Variants in FHIT observed in about 807,000 individuals in gnomAD.
The protein encoded by FHIT is bis(5'-adenosyl)-triphosphatase.
FHIT carries 19 observed loss-of-function variants against 17.9 expected under a neutral mutation model. That is an observed-to-expected ratio of 1.06 (90% CI 0.74 to 1.56). The LOEUF (loss-of-function observed/expected upper bound fraction) is 1.56, where lower values mean the gene tolerates loss of function less well. Ranked by LOEUF, FHIT falls within the 40% of genes most tolerant of loss-of-function variation. The pLI is 0.00. For missense variants in FHIT, 248 were observed against 189.2 expected (o/e 1.31, Z -1.82); for synonymous variants, 81 against 69.7 (o/e 1.16, Z -0.81).
rs563671472 is a variant in FHIT at position 60,433,844 on chromosome 3, A to AT, written c.103+103015dup. On this transcript the variant is annotated intron_variant, in intron 5 of 9. Transcript: ENST00000492590. ...ATTAGATGCATCAGATGTATGGTTC[A>AT]TTTTTTCTCCTATTCCATAGGTGGC... Among the ~76,000 whole-genome samples the AT allele has an allele frequency of 1.1e-4, 17 of 152,020 alleles. No homozygotes were observed. In the South Asian group the frequency reaches 3.1e-3, roughly 28 times the overall value.
At position 60,048,590 on chromosome 3, in the gene FHIT, G is replaced by C. The variant is rs1053696767; in HGVS notation, c.104-34438C>G. Among the ~76,000 whole-genome samples the C allele has an allele frequency of 4.6e-5, 7 of 152,176 alleles. No individual in the cohort carries two copies. The South Asian group carries it at 8.3e-4, about 18-fold the overall frequency. ...ACCACAACGCACCCCATAACAGCAG[G>C]TGTGTTAACGTTCTACAAAACGCAA... On this transcript the variant is annotated intron_variant, in intron 5 of 9. Transcript: ENST00000492590.
intron 3 of FHIT, among the ~76,000 whole-genome samples, chr3:60,891,539 C>T (rs1339449412): frequency 6.6e-6 from 1 of 152,130 alleles, no homozygotes; most frequent in Non-Finnish European, 1.5e-5. Flanking sequence ...ACCCTAAGAA[C>T]AAACAATGCA....
intron 3 of FHIT, among the ~76,000 whole-genome samples, chr3:60,942,378 T>C (rs1284232863): frequency 2.0e-5 from 3 of 152,200 alleles, no homozygotes; most frequent in Non-Finnish European, 4.4e-5. Context: ...TCTCTAGTCA[T>C]GACACTAGCT....
intron 2 of FHIT, among the ~76,000 whole-genome samples, chr3:61,188,311 C>T (rs1421675990): frequency 6.6e-6 from 1 of 152,190 alleles, no homozygotes; most frequent in African/African-American, 2.4e-5. Context: ...CACCTCTATG[C>T]AAATAAACTA....
intron 4 of FHIT, among the ~76,000 whole-genome samples, chr3:60,559,843 T>G (rs1198911916): frequency 6.6e-6 from 1 of 152,218 alleles, no homozygotes; most frequent in Non-Finnish European, 1.5e-5. Context: ...CCCCTTTAAC[T>G]GCTTCAGCTT....
intron 3 of FHIT, among the ~76,000 whole-genome samples, chr3:60,837,152 A>G (rs1480236245): frequency 1.3e-5 from 2 of 152,130 alleles, no homozygotes; most frequent in Non-Finnish European, 2.9e-5. Context: ...AAGGCACAGT[A>G]ATTAGATACT....
At chr3:59,967,611 TAAAATGCAC>T (rs1707986555) in intron 7 of FHIT, among the ~76,000 whole-genome samples, 1 of 152,184 alleles carries the variant, frequency 6.6e-6, no homozygotes, top group Non-Finnish European at 1.5e-5. Flanking sequence ...GGTAAAATTC[TAAAATGCAC>T]TGTTTCAGAA....
chr3:60,667,434 GTTAT>G (rs782234566), intron 4 of FHIT, among the ~76,000 whole-genome samples: 31 of 151,358 alleles, frequency 2.0e-4, no homozygotes, highest in Non-Finnish European at 4.1e-4. Flanking sequence ...TTTTATTTCT[GTTAT>G]TTTTTATTTC....
chr3:61,076,718 G>C (rs1203409387), intron 2 of FHIT, among the ~76,000 whole-genome samples: 1 of 152,066 alleles, frequency 6.6e-6, no homozygotes, highest in Non-Finnish European at 1.5e-5. Context: ...AAGAACAGTG[G>C]GATCAGAGAG....
chr3:61,127,802 G>A (rs573667753), intron 2 of FHIT, among the ~76,000 whole-genome samples: 6 of 152,134 alleles, frequency 3.9e-5, no homozygotes, highest in African/African-American at 9.6e-5. Flanking sequence ...ACCAGGAGGC[G>A]GAGACTGCAG....
chr3:60,395,344 A>G (rs565021344), intron 5 of FHIT, among the ~76,000 whole-genome samples: 2 of 152,252 alleles, frequency 1.3e-5, no homozygotes, highest in African/African-American at 4.8e-5. Flanking sequence ...TTATCTCCCC[A>G]TTTTATAGAT....
chr3:60,541,713 A>C (rs2107607864), intron 4 of FHIT, among the ~76,000 whole-genome samples: 1 of 152,302 alleles, frequency 6.6e-6, no homozygotes, highest in East Asian at 1.9e-4. Context: ...AGTTTTCCTA[A>C]AAAAGAGCTG....
At chr3:60,666,358 T>C (rs1234297156) in intron 4 of FHIT, among the ~76,000 whole-genome samples, 4 of 152,314 alleles carry the variant, frequency 2.6e-5, no homozygotes, top group Non-Finnish European at 5.9e-5. Flanking sequence ...AGTATAGTTT[T>C]TCCAGACATA....
At chr3:61,184,282 C>G (rs1362009335) in intron 2 of FHIT, among the ~76,000 whole-genome samples, 1 of 152,100 alleles carries the variant, frequency 6.6e-6, no homozygotes, top group African/African-American at 2.4e-5. Context: ...GACAGTGCCT[C>G]TGGTGTCAAA....
At chr3:60,850,580 T>G (rs1553747992) in intron 3 of FHIT, among the ~76,000 whole-genome samples, 1 of 152,028 alleles carries the variant, frequency 6.6e-6, no homozygotes, top group African/African-American at 2.4e-5. Flanking sequence ...CAAACACACT[T>G]ATTAAAACAC....
chr3:60,042,043 A>T (rs1462269490), intron 5 of FHIT, among the ~76,000 whole-genome samples: 1 of 152,202 alleles, frequency 6.6e-6, no homozygotes, highest in Non-Finnish European at 1.5e-5. Context: ...CTTTCCACAG[A>T]ACACTCTCAG....
chr3:60,123,483 T>C (rs1002786560), intron 5 of FHIT, among the ~76,000 whole-genome samples: 8 of 152,178 alleles, frequency 5.3e-5, no homozygotes, highest in Non-Finnish European at 1.0e-4. Context: ...TAGGGAGAAG[T>C]TGTGAAAAGG....
At chr3:59,834,348 A>G (rs1432705840) in intron 8 of FHIT, among the ~76,000 whole-genome samples, 1 of 152,192 alleles carries the variant, frequency 6.6e-6, no homozygotes, top group Non-Finnish European at 1.5e-5. Flanking sequence ...TTGTTAAACA[A>G]TAGATAGATA....
chr3:60,447,047 AG>A (rs2031387561), intron 5 of FHIT, among the ~76,000 whole-genome samples: 2 of 151,926 alleles, frequency 1.3e-5, no homozygotes, highest in African/African-American at 4.8e-5. Context: ...GTTGCCCACA[AG>A]GTATGATTTT....
Sources: allele counts gnomAD v4.1 joint callset (sites outside exome capture counted in the v4.1 genomes callset), GRCh38; gene constraint gnomAD v4.1.1; transcripts MANE v1.5; gene names NCBI Gene and HGNC (gene_info 2026-07-23, HGNC 2026-07-21).